Variants in MYH10 observed in about 807,000 individuals in gnomAD.
MYH10 encodes the protein myosin-10.
A neutral mutation model predicts 257.8 loss-of-function variants in MYH10; 55 were observed. The observed-to-expected ratio is 0.21, with a 90% CI of 0.17 to 0.27. The LOEUF is 0.27. Ranked by LOEUF, MYH10 falls within the 10% of genes least tolerant of loss-of-function variation. The pLI is 1.00. For missense variants in MYH10, 1,631 were observed against 2,500.6 expected (o/e 0.65, Z 7.42); for synonymous variants, 854 against 921.7 (o/e 0.93, Z 1.33).
At chr17:8,495,041 G>GAC (rs955251397) in intron 31 of MYH10, 96 bp downstream of exon 31, 13 of 755,266 alleles carry the variant, frequency 1.7e-5, no homozygotes, top group Middle Eastern at 2.3e-4. Flanking sequence ...AGTAAGAGGT[G>GAC]ACACAGAAGG....
chr17:8,568,673 G>A (rs1426194484), intron 7 of MYH10, among the ~76,000 whole-genome samples: 1 of 152,164 alleles, frequency 6.6e-6, no homozygotes, highest in East Asian at 1.9e-4. Flanking sequence ...ACAGTGGAAG[G>A]GGTTTCTGAA....
At chr17:8,500,678 G>C in intron 29 of MYH10, 148 bp downstream of exon 29, 1 of 913,598 alleles carries the variant, frequency 1.1e-6, no homozygotes, top group East Asian at 2.7e-5. Flanking sequence ...CTCCTGTCTT[G>C]GCAACTGGGT....
chr17:8,573,985 T>C lies in MYH10; in HGVS notation c.663+2658A>G, dbSNP rs144268113. The C allele has an allele frequency of 6.5e-3, 1,319 of 204,224 alleles. 22 individuals are homozygous for C. The highest frequency in any genetic ancestry group is 0.028 in the African/African-American group (1,209 of 42,434). 12.7% of individuals were successfully genotyped at this position (204,224 alleles called of 1,614,324 possible). On this transcript the variant is annotated intron_variant, in intron 6 of 42. Transcript: ENST00000360416. ...TCAAATGGTGCAGTCTCTTTAAAAA[T>C]GTTTAACAGAATTACCGTATGACCC...
chr17:8,497,730 C>T (rs1207149276), intron 30 of MYH10, among the ~76,000 whole-genome samples: 1 of 75,898 alleles, frequency 1.3e-5, no homozygotes, highest in Non-Finnish European at 2.2e-5. Context: ...CAGAGCGAGA[C>T]TCTGTCTCAA....
intron 1 of MYH10, among the ~76,000 whole-genome samples, chr17:8,627,168 TG>T (rs971040806): frequency 2.0e-5 from 3 of 152,130 alleles, no homozygotes; most frequent in Non-Finnish European, 2.9e-5. Flanking sequence ...AAATATTCAT[TG>T]GGTCTTTACT....
chr17:8,487,657 CTG>C, intron 35 of MYH10, 63 bp from the exon 36 acceptor site: 1 of 1,598,308 alleles, frequency 6.3e-7, no homozygotes, highest in Admixed American at 1.7e-5. Flanking sequence ...AACAGGCAGA[CTG>C]TTCTCAAGTG....
In MYH10 at chr17:8,535,171, A is replaced by G. The variant is rs752674195; in HGVS notation, c.1894+216T>C. Among the ~76,000 whole-genome samples, 103 of 152,186 alleles carry G rather than the reference A, an allele frequency of 6.8e-4. No individual in the cohort carries two copies. The highest frequency in any genetic ancestry group is 1.3e-3 in the Non-Finnish European group (87 of 68,036). ...TAGAATGTTTCTGTACTCCTACAAC[A>G]TCTGACCAAGAAGGTAGCTGTCTCT... On this transcript the variant is annotated intron_variant, in intron 16 of 42. Coordinates refer to ENST00000360416, the MANE Select transcript of MYH10 (RefSeq NM_001256012.3). This position sits in a 1 kb window ranked among gnomAD's most constrained non-coding sequence, Gnocchi z 4.3.
chr17:8,567,916 G>A (rs922660066), intron 7 of MYH10, among the ~76,000 whole-genome samples: 6 of 152,190 alleles, frequency 3.9e-5, no homozygotes, highest in African/African-American at 1.4e-4. Context: ...AGATTGATGA[G>A]AGCACTGTGA....
chr17:8,603,049 T>G (rs544036787), intron 3 of MYH10, among the ~76,000 whole-genome samples: 1 of 152,344 alleles, frequency 6.6e-6, no homozygotes, highest in East Asian at 1.9e-4. Flanking sequence ...CAATTCTTCC[T>G]CATACTGTAT....
intron 6 of MYH10, among the ~76,000 whole-genome samples, chr17:8,571,447 G>A (rs930047416): frequency 6.6e-6 from 1 of 151,870 alleles, no homozygotes; most frequent in Non-Finnish European, 1.5e-5. Context: ...TCTTAAGCAT[G>A]GTATCCTGAA....
Position 8,509,881 on chromosome 17 carries a change from T to C in MYH10, c.3021A>G (p.Ala1007=). The change falls in exon 25 of 43, where the codon GCA becomes GCG. Residue 1007 remains alanine (A), a synonymous_variant. Coordinates refer to ENST00000360416, the MANE Select transcript of MYH10 (RefSeq NM_001256012.3). ...RQKLQLEKVT[A]EAKIKKMEEE... ...CTTCCATCTTCTTGATCTTGGCCTC[T>C]GCTGTCACCTTTTCCAGCTGCAGCT... The C allele has an allele frequency of 6.2e-7, 1 of 1,613,726 alleles. No homozygotes were observed. Among genetic ancestry groups the C allele is most frequent in the Non-Finnish European group, 8.5e-7 (1 of 1,179,816 alleles).
chr17:8,511,035 T>TACATATATATATATATATAC (rs879260150), intron 24 of MYH10: 1 of 51,792 alleles, frequency 1.9e-5, no homozygotes, highest in African/African-American at 9.4e-5. Context: ...TATATATATA[T>TACATATATATATATATATAC]ATATATATAT....
rs1267372470 is a variant in MYH10 at position 8,509,917 on chromosome 17, C to T, written c.2985G>A (p.Gly995=). ...TTTCCAGCTGCAGCTTTTGCCGAGC[C>T]CCTTCCTCCTCGTCTAGCTGTTCTT... The part of the protein sequence containing the change: ...DLEEQLDEEE[G]ARQKLQLEKV... Residue 995 remains glycine (G), a synonymous_variant, in exon 25 of 43, where the codon GGG becomes GGA. Coordinates refer to ENST00000360416, the MANE Select transcript of MYH10 (RefSeq NM_001256012.3). The T allele has an allele frequency of 6.2e-7, 1 of 1,612,378 alleles. No homozygotes were observed. Among genetic ancestry groups the T allele is most frequent in the Admixed American group, 1.7e-5 (1 of 59,792 alleles).
intron 6 of MYH10, among the ~76,000 whole-genome samples, chr17:8,575,186 T>C (rs757310490): frequency 3.9e-5 from 6 of 152,166 alleles, no homozygotes; most frequent in Non-Finnish European, 8.8e-5. Flanking sequence ...AAGTAAAATC[T>C]AGGTGGGGGT....
chr17:8,622,598 T>C lies in MYH10; in HGVS notation c.345+304A>G, dbSNP rs185542514. Among the ~76,000 whole-genome samples, 271 of 152,342 alleles carry C rather than the reference T, an allele frequency of 1.8e-3. 1 individual carries two copies. Among genetic ancestry groups the C allele is most frequent in the African/African-American group, 6.3e-3 (261 of 41,580 alleles). ...GCAACTCTCTTTACCTTATTAAACC[T>C]TCTGGTCTTCCTGTTACATGCTCTC... On this transcript the variant is annotated intron_variant, in intron 2 of 42. Coordinates refer to ENST00000360416, the MANE Select transcript of MYH10 (RefSeq NM_001256012.3).
intron 17 of MYH10, among the ~76,000 whole-genome samples, chr17:8,529,936 A>G (rs1309459774): frequency 6.6e-6 from 1 of 152,200 alleles, no homozygotes; most frequent in Non-Finnish European, 1.5e-5. Context: ...GAGGATTCAG[A>G]TCACAAAGCC....
chr17:8,545,651 C>T lies in MYH10; in HGVS notation c.1279-51G>A, dbSNP rs1377654233. 1.9e-6 allele frequency: 3 copies of T among 1,573,184 alleles called. No homozygotes were observed. The highest frequency in any genetic ancestry group is 8.6e-7 in the Non-Finnish European group (1 of 1,158,916). ...TATTCTGGAAACAATCTCAACAAAG[C>T]ATAAATAGCTGTTTTACGGAATTTA... On this transcript the variant is annotated intron_variant, in intron 12 of 42. Coordinates refer to ENST00000360416, the MANE Select transcript of MYH10 (RefSeq NM_001256012.3). The surrounding 1 kb of genome is among the most constrained non-coding windows in gnomAD (Gnocchi z 4.7).
intron 34 of MYH10, 109 bp downstream of exon 34, chr17:8,492,188 A>G (rs1915870364): frequency 4.6e-6 from 5 of 1,098,582 alleles, no homozygotes; most frequent in Admixed American, 4.3e-5. Context: ...TGGGCTGTGC[A>G]TTCCCAGGTC....
At chr17:8,600,003 G>T (rs959601434) in intron 3 of MYH10, among the ~76,000 whole-genome samples, 1 of 152,182 alleles carries the variant, frequency 6.6e-6, no homozygotes, top group Admixed American at 6.5e-5. Context: ...GCCTGCAGAG[G>T]TTTGAAATAG....
Sources: allele counts gnomAD v4.1 joint callset (sites outside exome capture counted in the v4.1 genomes callset), GRCh38; gene constraint gnomAD v4.1.1; non-coding constraint Gnocchi (gnomAD v3.1); transcripts MANE v1.5; gene names NCBI Gene and HGNC (gene_info 2026-07-23, HGNC 2026-07-21).